The following ARHGAP26 variants were observed in gnomAD, a reference collection of about 807,000 sequenced individuals.
The protein encoded by ARHGAP26 is rho GTPase-activating protein 26.
In ARHGAP26, 38 loss-of-function variants were observed where a neutral mutation model predicts 104.8. The ratio of observed to expected loss-of-function variants is 0.36; its 90% confidence interval spans 0.28 to 0.48. The LOEUF (loss-of-function observed/expected upper bound fraction) is 0.48, where lower values mean the gene tolerates loss of function less well. Among genes scored for constraint, ARHGAP26 ranks in the 20% least tolerant of loss-of-function variants. ARHGAP26 has a pLI of 0.99. For synonymous variants in ARHGAP26, 341 were observed against 340.0 expected (o/e 1.00, Z -0.03); for missense variants, 704 against 947.9 (o/e 0.74, Z 3.38).
intron 1 of ARHGAP26, among the ~76,000 whole-genome samples, chr5:142,773,243 C>A (rs1209829251): frequency 6.6e-6 from 1 of 152,106 alleles, no homozygotes; most frequent in Non-Finnish European, 1.5e-5. Context: ...AGTGTTTTCC[C>A]AGTACAACTT....
intron 1 of ARHGAP26, among the ~76,000 whole-genome samples, chr5:142,835,234 A>G (rs1230322862): frequency 2.0e-5 from 3 of 152,230 alleles, no homozygotes; most frequent in East Asian, 3.8e-4. Flanking sequence ...CTTTAACAAC[A>G]TGAAAACATT....
rs766605343 is a variant in ARHGAP26, at chr5:143,222,341, C to T, written c.2192-17C>T. ...GTAATGCCATCTCTTCTCGCTTTCT[C>T]TCCCCTTCCTGTACAGTTCACCCAT... On this transcript the variant is annotated splice_polypyrimidine_tract_variant and intron_variant, in intron 22 of 22. Transcript: ENST00000645722. The T allele has an allele frequency of 5.2e-6, 8 of 1,539,142 alleles. No homozygotes were observed. The highest frequency in any genetic ancestry group is 6.2e-6 in the Non-Finnish European group (7 of 1,134,000).
At chr5:142,896,733 A>G (rs866835568) in intron 6 of ARHGAP26, among the ~76,000 whole-genome samples, 2 of 152,238 alleles carry the variant, frequency 1.3e-5, no homozygotes, top group South Asian at 4.1e-4. Flanking sequence ...TTCTAGAGCT[A>G]GACTCCCTGA....
intron 20 of ARHGAP26, among the ~76,000 whole-genome samples, chr5:143,183,483 T>C (rs916760506): frequency 2.6e-5 from 4 of 152,186 alleles, no homozygotes; most frequent in African/African-American, 9.7e-5. Flanking sequence ...AACACAAAGC[T>C]CACAGCTTTG....
intron 20 of ARHGAP26, among the ~76,000 whole-genome samples, chr5:143,153,430 A>G (rs258801): frequency 0.21 from 32,162 of 152,120 alleles, 4,154 homozygotes; most frequent in East Asian, 0.38. Context: ...GGCTGCAGAA[A>G]TAAATCATTC....
At chr5:143,171,370 C>T (rs1468788545) in intron 20 of ARHGAP26, among the ~76,000 whole-genome samples, 1 of 152,170 alleles carries the variant, frequency 6.6e-6, no homozygotes, top group Admixed American at 6.5e-5. Context: ...GTCCCTCATT[C>T]CTGGCCATGG....
intron 11 of ARHGAP26, among the ~76,000 whole-genome samples, chr5:142,967,456 G>A (rs1771567660): frequency 6.6e-6 from 1 of 152,198 alleles, no homozygotes; most frequent in South Asian, 2.1e-4. Context: ...GATGGAATCA[G>A]TGGATGGTTT....
At chr5:142,844,209 C>T (rs1166948868) in intron 1 of ARHGAP26, among the ~76,000 whole-genome samples, 1 of 151,892 alleles carries the variant, frequency 6.6e-6, no homozygotes, top group Non-Finnish European at 1.5e-5. Context: ...CACCACCACA[C>T]CTGGCTGATT....
chr5:143,106,681 C>G (rs1187122931), intron 17 of ARHGAP26, among the ~76,000 whole-genome samples: 1 of 152,024 alleles, frequency 6.6e-6, no homozygotes, highest in Non-Finnish European at 1.5e-5. Flanking sequence ...CCATGTTGGT[C>G]AGGCTGCTCT....
intron 20 of ARHGAP26, among the ~76,000 whole-genome samples, chr5:143,181,067 C>T (rs1306395644): frequency 6.6e-6 from 1 of 152,188 alleles, no homozygotes; most frequent in Non-Finnish European, 1.5e-5. Context: ...AGCAGCCTAC[C>T]AGTCACCATC....
chr5:143,013,403 A>T (rs1208897009), intron 11 of ARHGAP26, among the ~76,000 whole-genome samples: 1 of 152,090 alleles, frequency 6.6e-6, no homozygotes, highest in Non-Finnish European at 1.5e-5. Context: ...TGTCTCTTTT[A>T]TATTGGGCAT....
chr5:143,212,071 T>A (rs1809552982), intron 21 of ARHGAP26, among the ~76,000 whole-genome samples: 1 of 152,146 alleles, frequency 6.6e-6, no homozygotes, highest in South Asian at 2.1e-4. Flanking sequence ...TTTGTGAAAA[T>A]CCAGTCAGAG....
chr5:143,056,018 T>C lies in ARHGAP26; in HGVS notation c.1374-10T>C, dbSNP rs780544582. The C allele has an allele frequency of 1.2e-6, 2 of 1,610,020 alleles. No individual in the cohort carries two copies. The highest frequency in any genetic ancestry group is 3.3e-5 in the Admixed American group (2 of 59,890). On this transcript the variant is annotated splice_polypyrimidine_tract_variant and intron_variant, in intron 15 of 22. Transcript: ENST00000645722. The stretch of plus-strand genomic sequence containing the variant: ...TATTAAGCTGACTAGCCTATCTCCT[T>C]TTCCTCCAGAATGCTTCCAGGACCA...
intron 10 of ARHGAP26, among the ~76,000 whole-genome samples, chr5:142,923,518 T>C (rs1763478224): frequency 6.6e-6 from 1 of 152,216 alleles, no homozygotes; most frequent in African/African-American, 2.4e-5. Context: ...ATCCCATCAG[T>C]GAATAATGCC....
At chr5:142,968,329 G>A (rs1222212957) in intron 11 of ARHGAP26, among the ~76,000 whole-genome samples, 1 of 152,140 alleles carries the variant, frequency 6.6e-6, no homozygotes, top group African/African-American at 2.4e-5. Flanking sequence ...GCACAGTTGC[G>A]CCTGGGTAAG....
At chr5:142,927,159 C>A (rs755983412) in intron 10 of ARHGAP26, among the ~76,000 whole-genome samples, 1 of 151,966 alleles carries the variant, frequency 6.6e-6, no homozygotes, top group Admixed American at 6.6e-5. Context: ...GTATTTAAAA[C>A]GATTTTTACT....
chr5:142,895,465 C>T (rs1335121652), intron 6 of ARHGAP26, among the ~76,000 whole-genome samples: 7 of 152,024 alleles, frequency 4.6e-5, no homozygotes, highest in Non-Finnish European at 1.0e-4. Context: ...CTCCTGACCC[C>T]GTGATCCGCC....
chr5:143,080,186 A>G (rs1789598571), intron 17 of ARHGAP26, among the ~76,000 whole-genome samples: 1 of 152,156 alleles, frequency 6.6e-6, no homozygotes, highest in African/African-American at 2.4e-5. Context: ...ACCAAGTGCT[A>G]TTCTAGGCAT....
At chr5:142,787,464 T>C (rs1758903605) in intron 1 of ARHGAP26, among the ~76,000 whole-genome samples, 1 of 152,174 alleles carries the variant, frequency 6.6e-6, no homozygotes, top group Non-Finnish European at 1.5e-5. Context: ...TTGCAGGTGC[T>C]CGATCTAGAA....
Sources: allele counts gnomAD v4.1 joint callset (sites outside exome capture counted in the v4.1 genomes callset), GRCh38; gene constraint gnomAD v4.1.1; transcripts MANE v1.5; gene names NCBI Gene and HGNC (gene_info 2026-07-23, HGNC 2026-07-21).